The following CDHR4 variants were observed in gnomAD, a reference collection of about 807,000 sequenced individuals.
CDHR4 encodes the protein cadherin-related family member 4.
In CDHR4, 89 loss-of-function variants were observed where a neutral mutation model predicts 88.4. That is an observed-to-expected ratio of 1.01 (90% CI 0.85 to 1.20). The LOEUF (loss-of-function observed/expected upper bound fraction) is 1.20. Ranked by LOEUF, CDHR4 falls within the 50% of genes most tolerant of loss-of-function variation. The probability of loss-of-function intolerance (pLI) is 0.00; values close to 1 mark genes in which losing one functional copy is unlikely to be tolerated. For synonymous variants in CDHR4, 368 were observed against 399.2 expected, an observed-to-expected ratio of 0.92 and a Z score of 0.93; for missense variants, 914 against 1,007.2, an observed-to-expected ratio of 0.91 and a Z score of 1.25.
At position 49,797,203 on chromosome 3, in the gene CDHR4, TTTC is replaced by T. The variant is rs2081285061; in HGVS notation, c.496-174_496-172del. On this transcript the variant is annotated intron_variant, in intron 4 of 18. Transcript: ENST00000412678. ...TCCTTCTCTCTCCTTCCTTCCTTTC[TTTC>T]TTTCCTTCTCGCTCTCTCCTTCCTT... Among the ~76,000 whole-genome samples, 5 of 152,082 alleles carry T rather than the reference TTTC, an allele frequency of 3.3e-5. No individual in the cohort carries two copies. The South Asian group carries it at 1.0e-3, about 32-fold the overall frequency.
At chr3:49,796,580 C>T (rs891846713) in intron 5 of CDHR4, among the ~76,000 whole-genome samples, 5 of 152,216 alleles carry the variant, frequency 3.3e-5, no homozygotes, top group African/African-American at 7.2e-5. Flanking sequence ...CAGGTGACAA[C>T]GCCCACCTTG....
chr3:49,799,962 C>T (rs995241717), upstream of CDHR4: 5 of 706,722 alleles, frequency 7.1e-6, no homozygotes, highest in African/African-American at 8.9e-5. Context: ...TCCCTGGTGA[C>T]TGAGTTCTAG....
rs145875051 is a variant in CDHR4, at chr3:49,792,413, T to C, written c.2138+55A>G. Reference sequence around the variant, plus strand: ...CTTGGGTGAAACCACCCATCACAACTGGGGTCCATAGGTGGGTTGGGGGCA... The same window carrying C: ...CTTGGGTGAAACCACCCATCACAACCGGGGTCCATAGGTGGGTTGGGGGCA... On this transcript the variant is annotated intron_variant, in intron 15 of 18. Transcript: ENST00000412678. The C allele has an allele frequency of 4.9e-4, 763 of 1,542,910 alleles. 4 individuals are homozygous for C. In the African/African-American group the frequency reaches 9.3e-3, roughly 19 times the overall value.
intron 1 of CDHR4, 23 bp downstream of exon 1, chr3:49,799,741 T>C: frequency 6.2e-7 from 1 of 1,613,036 alleles, no homozygotes; most frequent in Non-Finnish European, 8.5e-7. Context: ...AAACTACGGT[T>C]CCCCCACCCA....
At chr3:49,791,861 G>T in intron 16 of CDHR4, 42 bp downstream of exon 16, 1 of 1,551,606 alleles carries the variant, frequency 6.4e-7, no homozygotes, top group Non-Finnish European at 8.7e-7. Context: ...CTGAGTTTAA[G>T]AGATGGGATC....
intron 2 of CDHR4, 28 bp downstream of exon 2, chr3:49,799,219 C>T (rs768929483): frequency 6.8e-6 from 11 of 1,610,340 alleles, no homozygotes; most frequent in South Asian, 1.1e-5. Flanking sequence ...TGTGCCCCCA[C>T]AGTCCCCAGC....
At chr3:49,794,431 G>A (rs528371443) in intron 10 of CDHR4, among the ~76,000 whole-genome samples, 177 bp downstream of exon 10, 1 of 152,230 alleles carries the variant, frequency 6.6e-6, no homozygotes, top group African/African-American at 2.4e-5. Flanking sequence ...GGGTCTAAAG[G>A]GAGGGCAGAA....
rs1188414092 is a variant in CDHR4 at position 49,799,322 on chromosome 3, C to T, written c.165G>A (p.Leu55=). ...SSYTPTPTLE[L]LNVQPPTTFF... ...AGGTGGTGGGTGGCTGGACATTGAG[C>T]AACTCCAGGGTGGGTGTGGGCGTGT... Residue 55 remains leucine (L), a synonymous_variant, in exon 2 of 19, where the codon TTG becomes TTA. Transcript: ENST00000412678. The T allele has an allele frequency of 1.2e-6, 2 of 1,613,934 alleles. No individual in the cohort carries two copies. Among genetic ancestry groups the T allele is most frequent in the East Asian group, 4.5e-5 (2 of 44,884 alleles).
chr3:49,793,801 A>G lies in CDHR4; in HGVS notation c.1483+2T>C. The G allele has an allele frequency of 6.4e-6, 10 of 1,551,732 alleles. No homozygotes were observed. The highest frequency in any genetic ancestry group is 8.7e-6 in the Non-Finnish European group (10 of 1,146,982). ...TCCATCCCAGCCCTGGGGTGGATGT[A>G]CCGCTGAGACGGTCCACAGCAAAGG... On this transcript the variant is annotated splice_donor_variant, in intron 11 of 18. Coordinates refer to ENST00000412678, the MANE Select transcript of CDHR4 (RefSeq NM_001007540.4). LOFTEE classifies it high-confidence loss of function.
rs1018870183 is a variant in CDHR4, at chr3:49,795,603, G to GC, written c.847+24dup. ...CAGCCACAGAGGCATCCCAGTACCT[G>GC]CCCCCACCCCCCAACACCTCTCACC... On this transcript the variant is annotated intron_variant, in intron 7 of 18. Transcript: ENST00000412678. This position sits in a 1 kb window ranked among gnomAD's most constrained non-coding sequence, Gnocchi z 5.4. 5.2e-6 allele frequency: 8 copies of GC among 1,551,056 alleles called. No individual in the cohort carries two copies. Among genetic ancestry groups the GC allele is most frequent in the African/African-American group, 2.7e-5 (2 of 72,976 alleles).
Position 49,798,864 on chromosome 3 carries a change from T to A in CDHR4, c.457A>T (p.Thr153Ser), listed in dbSNP as rs759909442. ...AGTTCTAGGCCTGGGAGGAGCAGAG[T>A]GTACAGCCGAGCCCCAGGTGTGACT... Reference protein sequence around the residue: ...ETVTPGARLYTLLLPGLELHG... With the variant: ...ETVTPGARLYSLLLPGLELHG... Residue 153 changes from threonine (T) to serine (S), a missense_variant, in exon 4 of 19, where the codon ACT becomes TCT. Coordinates refer to ENST00000412678, the MANE Select transcript of CDHR4 (RefSeq NM_001007540.4). The A allele has an allele frequency of 1.2e-5, 19 of 1,613,578 alleles. No homozygotes were observed. Among genetic ancestry groups the A allele is most frequent in the Non-Finnish European group, 1.6e-5 (19 of 1,179,836 alleles).
chr3:49,793,194 G>T lies in CDHR4; in HGVS notation c.1741C>A (p.Gln581Lys). 1 of 1,551,688 alleles carries T rather than the reference G, an allele frequency of 6.4e-7. No homozygotes were observed. The highest frequency in any genetic ancestry group is 8.7e-7 in the Non-Finnish European group (1 of 1,146,986). The change falls in exon 13 of 19, where the codon CAG (glutamine) becomes AAG (lysine). Residue 581 changes from glutamine (Q) to lysine (K), a missense_variant. Transcript: ENST00000412678. ...KMSCQIPQEP[Q>K]RLIYSYSIVG... ...ATGCTATAGGAGTAGATCAGGCGCT[G>T]TGGCTCCTGAGGGATCTGGCATGAC...
At chr3:49,802,166 GCTTCTTCTTC>G (rs1363213435), upstream of CDHR4, among the ~76,000 whole-genome samples, 1 of 149,188 alleles carries the variant, frequency 6.7e-6, no homozygotes, top group Non-Finnish European at 1.5e-5. Flanking sequence ...TCCTCCTCCT[GCTTCTTCTTC>G]CTTTCTTTTT....
Position 49,793,977 on chromosome 3 carries a change from GT to G in CDHR4, c.1308del (p.Ile438SerfsTer80). On this transcript the variant is annotated frameshift_variant, in exon 11 of 19. Coordinates refer to ENST00000412678, the MANE Select transcript of CDHR4 (RefSeq NM_001007540.4). LOFTEE classifies it high-confidence loss of function. ...CAGGCTGGGGAGAACTCGTTGATGG[GT>G]GTCACCATCACCAGTACCGGCACCT... ...TTEVPVLVMV[T>X]PINEFSPACA... 1 of 1,551,680 alleles carries G rather than the reference GT, an allele frequency of 6.4e-7. No homozygotes were observed. Among genetic ancestry groups the G allele is most frequent in the Non-Finnish European group, 8.7e-7 (1 of 1,146,998 alleles).
chr3:49,796,089 T>A (rs1340910330), intron 5 of CDHR4, 43 bp from the exon 6 acceptor site: 10 of 1,406,098 alleles, frequency 7.1e-6, no homozygotes, highest in Non-Finnish European at 9.5e-6. Context: ...ATTGTGTGTG[T>A]CCACCTCTTT....
Position 49,798,876 on chromosome 3 carries a change from C to A in CDHR4, c.445G>T (p.Ala149Ser). ...IQVPETVTPG[A>S]RLYTLLLPGL... ...GGGAGGAGCAGAGTGTACAGCCGAG[C>A]CCCAGGTGTGACTGTCTCTGGCACC... The change falls in exon 4 of 19, where the codon GCT becomes TCT. Residue 149 changes from alanine to serine, a missense_variant. Ala to Ser is a moderately conservative substitution (Grantham distance 99). Coordinates refer to ENST00000412678, the MANE Select transcript of CDHR4 (RefSeq NM_001007540.4). 1 of 1,613,908 alleles carries A rather than the reference C, an allele frequency of 6.2e-7. No individual in the cohort carries two copies. Among genetic ancestry groups the A allele is most frequent in the Non-Finnish European group, 8.5e-7 (1 of 1,179,872 alleles).
intron 15 of CDHR4, 38 bp from the exon 16 acceptor site, chr3:49,791,997 G>C (rs1481088905): frequency 6.5e-7 from 1 of 1,546,926 alleles, no homozygotes; most frequent in Non-Finnish European, 8.7e-7. Flanking sequence ...AGTGAGGGCA[G>C]CAGGCCTACT....
chr3:49,796,034 G>A lies in CDHR4; in HGVS notation c.619C>T (p.Gln207Ter). 6.5e-7 allele frequency: 1 copy of A among 1,527,558 alleles called. No individual in the cohort carries two copies. The highest frequency in any genetic ancestry group is 8.8e-7 in the Non-Finnish European group (1 of 1,137,640). 94.6% of individuals were successfully genotyped at this position (1,527,558 alleles called of 1,614,324 possible). The change falls in exon 6 of 19, where the codon CAA becomes TAA. Residue 207 changes from glutamine to a stop codon, truncating the protein, a stop_gained. Transcript: ENST00000412678. LOFTEE classifies it high-confidence loss of function. ...LGQAQKVFQL[Q>*]ISVSFGQRQS... Reference sequence around the variant, plus strand: ...CTTTGTCCAAAGGACACTGAGATTTGCAGCTGGAAGACCTGTGGTGCACCC... The same window carrying A: ...CTTTGTCCAAAGGACACTGAGATTTACAGCTGGAAGACCTGTGGTGCACCC...
intron 5 of CDHR4, among the ~76,000 whole-genome samples, chr3:49,796,479 G>A (rs905707394): frequency 1.3e-5 from 2 of 152,054 alleles, no homozygotes; most frequent in African/African-American, 4.8e-5. Context: ...TGGGATTACA[G>A]GCATGCGCCA....
Sources: gnomAD v4.1 joint callset for allele counts (sites outside exome capture counted in the v4.1 genomes callset) on GRCh38, gnomAD v4.1.1 for gene constraint, Gnocchi (gnomAD v3.1) non-coding constraint, MANE v1.5 for transcripts, NCBI Gene and HGNC (gene_info 2026-07-23, HGNC 2026-07-21) for gene names.